MYO7B: variants seen among roughly 807,000 people sequenced by gnomAD.
The protein encoded by MYO7B is myosin VIIB.
MYO7B carries 212 observed loss-of-function variants against 259.7 expected under a neutral mutation model. That is an observed-to-expected ratio of 0.82 (90% CI 0.73 to 0.91). MYO7B has a LOEUF of 0.91. MYO7B is among the 40% of genes least tolerant of loss of function. The pLI, the probability that MYO7B is intolerant of heterozygous loss-of-function variation, is 0.00. For synonymous variants in MYO7B, 1,197 were observed against 1,166.4 expected, an observed-to-expected ratio of 1.03 and a Z score of -0.54; for missense variants, 2,732 against 2,813.5, an observed-to-expected ratio of 0.97 and a Z score of 0.66.
rs537171346 is a variant in MYO7B, at chr2:127,590,695, C to T, written c.1992+466C>T. ...ACAGTCAGCTTTACCTGCTGTGAGA[C>T]GGTGAGGGGGTGAGAGCCCACACTC... On this transcript the variant is annotated intron_variant, in intron 16 of 47. Coordinates refer to ENST00000409816, the MANE Select transcript of MYO7B (RefSeq NM_001393586.1). This position sits in a 1 kb window ranked among gnomAD's most constrained non-coding sequence, Gnocchi z 4.6. 3.9e-5 allele frequency among the ~76,000 whole-genome samples: 6 copies of T among 152,306 alleles called. No individual in the cohort carries two copies. The South Asian group carries it at 8.3e-4, about 21-fold the overall frequency.
chr2:127,631,750 A>G lies in MYO7B; in HGVS notation c.5246A>G (p.Asn1749Ser). ...CTGAAGCAGCTGACGCACAACTCCAACAGGTCTGCTGGGGCGGCGGCCAGC... is the reference window on the plus strand; with the variant it reads ...CTGAAGCAGCTGACGCACAACTCCAGCAGGTCTGCTGGGGCGGCGGCCAGC... ...QILKQLTHNS[N>S]RHSEERGWQL... The change falls in exon 38 of 48, where the codon AAC (asparagine) becomes AGC (serine). Residue 1749 changes from asparagine (N) to serine (S), a missense_variant. Coordinates refer to ENST00000409816, the MANE Select transcript of MYO7B (RefSeq NM_001393586.1). 1.9e-6 allele frequency: 3 copies of G among 1,612,336 alleles called. No homozygotes were observed. The highest frequency in any genetic ancestry group is 2.5e-6 in the Non-Finnish European group (3 of 1,179,594).
At chr2:127,542,669 A>G (rs1573601442) in intron 1 of MYO7B, among the ~76,000 whole-genome samples, 1 of 152,198 alleles carries the variant, frequency 6.6e-6, no homozygotes, top group South Asian at 2.1e-4. Flanking sequence ...CAAAGTATAG[A>G]GAAAGAAAAG....
intron 18 of MYO7B, among the ~76,000 whole-genome samples, chr2:127,596,020 T>C (rs1166146205): frequency 6.6e-6 from 1 of 152,228 alleles, no homozygotes; most frequent in Non-Finnish European, 1.5e-5. Flanking sequence ...TTTGTTAATT[T>C]TCTGTCTCGA....
chr2:127,634,838 G>T, intron 42 of MYO7B, 155 bp downstream of exon 42: 1 of 744,080 alleles, frequency 1.3e-6, no homozygotes. Flanking sequence ...CCGGCGGTGA[G>T]GGCCAGCTCA....
At chr2:127,536,083 G>A (rs1046015264) in intron 1 of MYO7B, among the ~76,000 whole-genome samples, 3 of 152,168 alleles carry the variant, frequency 2.0e-5, no homozygotes, top group Admixed American at 2.0e-4. Flanking sequence ...CTCTGCTGTA[G>A]AAGGGCAAAC....
chr2:127,623,333 C>T lies in MYO7B; in HGVS notation c.3777C>T (p.Ser1259=), dbSNP rs780943984. ...CMHIAHKQGL[S]DHLGFSLQVA... ...ACATCGCTCACAAGCAGGGCCTCAG[C>T]GACCACCTGGGCTTCTCCCTCCAGG... The change falls in exon 29 of 48, where the codon AGC becomes AGT. Residue 1259 remains serine, a synonymous_variant. Transcript: ENST00000409816. 11 of 1,609,444 alleles carry T rather than the reference C, an allele frequency of 6.8e-6. No homozygotes were observed. The highest frequency in any genetic ancestry group is 5.3e-5 in the African/African-American group (4 of 74,810).
rs1296089015 is a variant in MYO7B at position 127,636,549 on chromosome 2, C to G, written c.6128C>G (p.Thr2043Ser). The change falls in exon 46 of 48, where the codon ACC becomes AGC. Residue 2043 changes from threonine (T) to serine (S), a missense_variant. Physicochemically the swap from Thr to Ser is moderately conservative, Grantham distance 58. Around this residue, in one of 3 missense-constraint regions of MYO7B, gnomAD observed 821 missense variants for 769.3 expected, o/e 1.07. Transcript: ENST00000409816. The surrounding 1 kb of genome is among the most constrained non-coding windows in gnomAD (Gnocchi z 4.5). ...CGCCGTGTCCCTCCCTCCCAGCAAA[C>G]CTCGGAGCCTTCCTACCCGGACGTC... ...FGSAFFEVKQTSEPSYPDVIL... is the reference protein window; with the variant it reads ...FGSAFFEVKQSSEPSYPDVIL... 6.2e-7 allele frequency: 1 copy of G among 1,610,572 alleles called. No individual in the cohort carries two copies. Among genetic ancestry groups the G allele is most frequent in the East Asian group, 2.2e-5 (1 of 44,674 alleles).
intron 1 of MYO7B, among the ~76,000 whole-genome samples, chr2:127,536,474 G>T (rs1273519826): frequency 2.7e-5 from 4 of 149,186 alleles, no homozygotes; most frequent in Non-Finnish European, 4.5e-5. Context: ...TGGTGGGGGG[G>T]GGGGTGGGGG....
intron 1 of MYO7B, among the ~76,000 whole-genome samples, chr2:127,557,601 G>A (rs1677884706): frequency 6.6e-6 from 1 of 152,120 alleles, no homozygotes; most frequent in African/African-American, 2.4e-5. Context: ...GTGTTCCCCT[G>A]ATGTAGTACT....
At chr2:127,602,878 T>C (rs1166266270) in intron 19 of MYO7B, among the ~76,000 whole-genome samples, 1 of 151,906 alleles carries the variant, frequency 6.6e-6, no homozygotes, top group Non-Finnish European at 1.5e-5. Flanking sequence ...TGTGCACCGG[T>C]AGTCCCAGCT....
In MYO7B at chr2:127,584,005, T is replaced by C. The variant is rs573061443; in HGVS notation, c.1344-117T>C. 3 of 858,284 alleles carry C rather than the reference T, an allele frequency of 3.5e-6. No homozygotes were observed. Among genetic ancestry groups the C allele is most frequent in the African/African-American group, 1.7e-5 (1 of 60,018 alleles). The allele number at this position is 858,284 out of a possible 1,614,324, so 53.2% of individuals were successfully genotyped here. A position where few individuals can be genotyped will look rare whatever the true frequency, so the allele number is the denominator to read the frequency against. On this transcript the variant is annotated intron_variant, in intron 12 of 47. Coordinates refer to ENST00000409816, the MANE Select transcript of MYO7B (RefSeq NM_001393586.1). The surrounding 1 kb of genome is among the most constrained non-coding windows in gnomAD (Gnocchi z 5.8). ...TCTGTGTACACGAGGTGTGCATCTG[T>C]GGGCATATCTGTATGCAGCTGTTTG... is the stretch of plus-strand genomic sequence containing the variant.
At position 127,569,781 on chromosome 2, in the gene MYO7B, T is replaced by A. The variant is rs530839590; in HGVS notation, c.471-8T>A. ...GTGGCATCATGTCCCTGCACACCCT[T>A]TTTGCAGCGGCGAGTCTGGGGCTGG... On this transcript the variant is annotated splice_region_variant and splice_polypyrimidine_tract_variant and intron_variant, in intron 5 of 47. Transcript: ENST00000409816. 5.7e-5 allele frequency: 92 copies of A among 1,608,716 alleles called. No homozygotes were observed. Among genetic ancestry groups the A allele is most frequent in the Non-Finnish European group, 7.8e-5 (92 of 1,176,564 alleles).
chr2:127,621,287 G>T (rs554312244), intron 27 of MYO7B, among the ~76,000 whole-genome samples: 1 of 139,842 alleles, frequency 7.2e-6, no homozygotes, highest in Non-Finnish European at 1.5e-5. Flanking sequence ...TTTTTGAGAC[G>T]GAGTCTCACT....
In MYO7B at chr2:127,585,845, T is replaced by A. The variant is rs937799186; in HGVS notation, c.1690+932T>A. On this transcript the variant is annotated intron_variant, in intron 14 of 47. Coordinates refer to ENST00000409816, the MANE Select transcript of MYO7B (RefSeq NM_001393586.1). The surrounding 1 kb of genome is among the most constrained non-coding windows in gnomAD (Gnocchi z 4.3). ...GCTAATGATGTTGATCGCCTTTTCATATGCTTCTTGGCCATTTGCACGTCT... is the reference window on the plus strand; with the variant it reads ...GCTAATGATGTTGATCGCCTTTTCAAATGCTTCTTGGCCATTTGCACGTCT... 6.6e-6 allele frequency among the ~76,000 whole-genome samples: 1 copy of A among 152,234 alleles called. No homozygotes were observed. The highest frequency in any genetic ancestry group is 1.5e-5 in the Non-Finnish European group (1 of 68,040).
chr2:127,634,997 G>C, intron 42 of MYO7B, 123 bp from the exon 43 acceptor site: 1 of 766,194 alleles, frequency 1.3e-6, no homozygotes, highest in East Asian at 2.7e-5. Context: ...GGGGACTGGG[G>C]AGGAAGAAGC....
Position 127,586,723 on chromosome 2 carries a change from T to C in MYO7B, c.1691-1669T>C, listed in dbSNP as rs951917885. 2.0e-5 allele frequency among the ~76,000 whole-genome samples: 3 copies of C among 152,226 alleles called. No individual in the cohort carries two copies. The highest frequency in any genetic ancestry group is 3.2e-3 in the Middle Eastern group (1 of 316). ...ATTAAGGTCGATTCTTTCTAGACTT[T>C]CTGGTTGCAGAAATATTAATTAAAA... On this transcript the variant is annotated intron_variant, in intron 14 of 47. Transcript: ENST00000409816. The surrounding 1 kb of genome is among the most constrained non-coding windows in gnomAD (Gnocchi z 4.8).
Position 127,635,805 on chromosome 2 carries a change from G to A in MYO7B, c.5904G>A (p.Gln1968=), listed in dbSNP as rs1373364714. 6.3e-7 allele frequency: 1 copy of A among 1,593,014 alleles called. No homozygotes were observed. The highest frequency in any genetic ancestry group is 2.3e-5 in the East Asian group (1 of 43,540). The part of the protein sequence containing the change: ...IHLAGLIYKA[Q]FNNDRSQLAS... ...TGGCGGGCCTCATCTACAAGGCCCA[G>A]TTCAACAACGACCGGTCCCAGCTGG... The change falls in exon 44 of 48, where the codon CAG becomes CAA. Residue 1968 remains glutamine (Q), a synonymous_variant. Transcript: ENST00000409816.
intron 1 of MYO7B, among the ~76,000 whole-genome samples, chr2:127,549,818 G>A (rs1693379324): frequency 1.3e-5 from 2 of 152,138 alleles, no homozygotes; most frequent in African/African-American, 4.8e-5. Flanking sequence ...ACACATAAGG[G>A]GAGTGTGCAG....
intron 19 of MYO7B, among the ~76,000 whole-genome samples, chr2:127,598,924 G>A (rs1679864429): frequency 6.6e-6 from 1 of 152,130 alleles, no homozygotes; most frequent in Non-Finnish European, 1.5e-5. Flanking sequence ...TCCATTGGTC[G>A]ATGACTCTAT....
Sources: gnomAD v4.1 joint callset for allele counts (sites outside exome capture counted in the v4.1 genomes callset) on GRCh38, gnomAD v4.1.1 for gene constraint, gnomAD v4.1.1 regional missense constraint, Gnocchi (gnomAD v3.1) non-coding constraint, MANE v1.5 for transcripts, NCBI Gene and HGNC (gene_info 2026-07-23, HGNC 2026-07-21) for gene names.